ANO3: variants seen among roughly 807,000 people sequenced by gnomAD.
ANO3 encodes anoctamin 3.
A neutral mutation model predicts 144.8 loss-of-function variants in ANO3; 99 were observed. The ratio of observed to expected loss-of-function variants is 0.68; its 90% confidence interval spans 0.58 to 0.81. The LOEUF is 0.81. Ranked by LOEUF, ANO3 falls within the 30% of genes least tolerant of loss-of-function variation. The probability of loss-of-function intolerance (pLI) is 0.00; values close to 1 mark genes in which losing one functional copy is unlikely to be tolerated. For missense variants in ANO3, 905 were observed against 1,202.2 expected (o/e 0.75, Z 3.66); for synonymous variants, 414 against 392.6 (o/e 1.05, Z -0.64).
At chr11:26,320,845 T>C (rs1408073269) in intron 1 of ANO3, among the ~76,000 whole-genome samples, 4 of 152,172 alleles carry the variant, frequency 2.6e-5, no homozygotes, top group Non-Finnish European at 5.9e-5. Flanking sequence ...TAAATATTTT[T>C]ATTTCTACCA....
chr11:26,561,213 T>C (rs1261097757), intron 14 of ANO3: 4 of 1,604,420 alleles, frequency 2.5e-6, no homozygotes, highest in Non-Finnish European at 1.7e-6. Flanking sequence ...CGGTGCATTG[T>C]CTAATCGCAG....
chr11:26,608,541 A>G (rs2032967471), intron 17 of ANO3, among the ~76,000 whole-genome samples: 1 of 152,044 alleles, frequency 6.6e-6, no homozygotes, highest in African/African-American at 2.4e-5. Context: ...AATTAAGAGG[A>G]GGAAAGGCTA....
chr11:26,331,036 G>A (rs919136123), upstream of ANO3, among the ~76,000 whole-genome samples: 2 of 152,180 alleles, frequency 1.3e-5, no homozygotes, highest in African/African-American at 2.4e-5. Flanking sequence ...TGGAGGAAAG[G>A]AGATCCTACT....
intron 1 of ANO3, among the ~76,000 whole-genome samples, chr11:26,315,808 GAC>G (rs1484806188): frequency 6.6e-6 from 1 of 151,824 alleles, no homozygotes; most frequent in Non-Finnish European, 1.5e-5. Context: ...GACCAAATAA[GAC>G]AACCCAAAAG....
chr11:26,226,422 T>G (rs1037280431), intron 1 of ANO3, among the ~76,000 whole-genome samples: 1 of 152,138 alleles, frequency 6.6e-6, no homozygotes, highest in Non-Finnish European at 1.5e-5. Flanking sequence ...TCATCCACTT[T>G]CCAAAACAAT....
chr11:26,592,933 C>T (rs370599257), intron 14 of ANO3, among the ~76,000 whole-genome samples: 4 of 152,114 alleles, frequency 2.6e-5, no homozygotes, highest in East Asian at 1.9e-4. Flanking sequence ...CTTGGTTTCC[C>T]GGAGGGGATT....
chr11:26,547,649 A>T (rs1040884906), intron 12 of ANO3, 99 bp downstream of exon 12: 13 of 1,123,778 alleles, frequency 1.2e-5, no homozygotes, highest in Non-Finnish European at 1.7e-5. Flanking sequence ...ATGGTTGATG[A>T]TACTACAATT....
chr11:26,438,610 A>AAG (rs1554954384), intron 1 of ANO3, among the ~76,000 whole-genome samples: 5 of 73,868 alleles, frequency 6.8e-5, no homozygotes, highest in Non-Finnish European at 1.0e-4. Flanking sequence ...AAAAAAAAAG[A>AAG]AAAAAAAAAA....
chr11:26,349,497 C>T (rs1379882808), intron 1 of ANO3, among the ~76,000 whole-genome samples: 1 of 152,140 alleles, frequency 6.6e-6, no homozygotes, highest in Non-Finnish European at 1.5e-5. Context: ...GAAACTGCTA[C>T]ATACTATTAT....
At chr11:26,426,508 T>C (rs1292380210) in intron 1 of ANO3, among the ~76,000 whole-genome samples, 1 of 152,152 alleles carries the variant, frequency 6.6e-6, no homozygotes. Flanking sequence ...AAAGCACATA[T>C]ATGAATGCTC....
Position 26,553,359 on chromosome 11 carries a change from C to T in ANO3, c.1386+14C>T. 6.4e-7 allele frequency: 1 copy of T among 1,567,352 alleles called. No individual in the cohort carries two copies. The highest frequency in any genetic ancestry group is 8.8e-7 in the Non-Finnish European group (1 of 1,139,736). On this transcript the variant is annotated intron_variant, in intron 13 of 26. Transcript: ENST00000256737. Reference sequence around the variant, plus strand: ...ATCTATGCCAAGGTGAGTGTGGACCCTCACATTCTCCTCCCTGAGCTGTAC... The same window carrying T: ...ATCTATGCCAAGGTGAGTGTGGACCTTCACATTCTCCTCCCTGAGCTGTAC...
intron 19 of ANO3, among the ~76,000 whole-genome samples, chr11:26,634,583 T>G (rs1852890276): frequency 6.6e-6 from 1 of 152,176 alleles, no homozygotes; most frequent in Admixed American, 6.5e-5. Context: ...CATCTTAACA[T>G]TTTTCCACCT....
chr11:26,355,270 G>A (rs1396884789), intron 1 of ANO3, among the ~76,000 whole-genome samples: 2 of 151,998 alleles, frequency 1.3e-5, no homozygotes, highest in South Asian at 2.1e-4. Context: ...ATCATAAAAT[G>A]TCTTTTTTTA....
intron 1 of ANO3, among the ~76,000 whole-genome samples, chr11:26,224,586 C>A (rs1393650611): frequency 6.6e-6 from 1 of 152,176 alleles, no homozygotes; most frequent in Non-Finnish European, 1.5e-5. Flanking sequence ...TGGCCCAGGG[C>A]CACATTTTTA....
intron 14 of ANO3, among the ~76,000 whole-genome samples, 158 bp from the exon 15 acceptor site, chr11:26,598,207 A>G (rs904336026): frequency 7.9e-5 from 12 of 152,192 alleles, no homozygotes; most frequent in Non-Finnish European, 1.6e-4. Context: ...CTAATTAATG[A>G]TGTATAAACA....
intron 14 of ANO3, among the ~76,000 whole-genome samples, chr11:26,578,288 G>A (rs1341529998): frequency 6.6e-6 from 1 of 152,102 alleles, no homozygotes; most frequent in East Asian, 1.9e-4. Context: ...TATGAGATTC[G>A]AATCTGTAAA....
At chr11:26,563,452 G>C (rs1288483010) in intron 14 of ANO3, among the ~76,000 whole-genome samples, 1 of 149,628 alleles carries the variant, frequency 6.7e-6, no homozygotes, top group Non-Finnish European at 1.5e-5. Context: ...TACTATTTGG[G>C]ATATATGGGC....
At chr11:26,240,737 T>G (rs1359544760) in intron 1 of ANO3, among the ~76,000 whole-genome samples, 1 of 152,228 alleles carries the variant, frequency 6.6e-6, no homozygotes, top group African/African-American at 2.4e-5. Flanking sequence ...GATAGTGACT[T>G]GATAACTCCC....
rs1565006923 is a variant in ANO3 at position 26,407,050 on chromosome 11, GT to G, written c.47-34867del. 5.4e-3 allele frequency among the ~76,000 whole-genome samples: 400 copies of G among 74,144 alleles called. 3 individuals carry two copies. The highest frequency in any genetic ancestry group is 0.018 in the African/African-American group (391 of 22,160). 48.6% of individuals were successfully genotyped at this position (74,144 alleles called of 152,430 possible). ...GGTGTGTGTGTATATATATATGGGT[GT>G]GTGTGTGTGTGTGTGTGTGTGTGTG... is the stretch of plus-strand genomic sequence containing the variant. On this transcript the variant is annotated intron_variant, in intron 1 of 26. Coordinates refer to ENST00000256737, the MANE Select transcript of ANO3 (RefSeq NM_031418.4).
Sources: gnomAD v4.1 joint callset for allele counts (sites outside exome capture counted in the v4.1 genomes callset) on GRCh38, gnomAD v4.1.1 for gene constraint, MANE v1.5 for transcripts, NCBI Gene and HGNC (gene_info 2026-07-23, HGNC 2026-07-21) for gene names.